DGKI: variants seen among roughly 807,000 people sequenced by gnomAD.
DGKI encodes DAG kinase iota.
In DGKI, 55 loss-of-function variants were observed where a neutral mutation model predicts 147.5. That is an observed-to-expected ratio of 0.37 (90% CI 0.30 to 0.47). DGKI has a LOEUF of 0.47. Ranked by LOEUF, DGKI falls within the 20% of genes least tolerant of loss-of-function variation. The pLI, the probability that DGKI is intolerant of heterozygous loss-of-function variation, is 1.00. For missense variants in DGKI, 1,007 were observed against 1,323.8 expected (o/e 0.76, Z 3.71); for synonymous variants, 469 against 477.1 (o/e 0.98, Z 0.22).
At chr7:137,614,243 G>A (rs762169520) in intron 8 of DGKI, among the ~76,000 whole-genome samples, 18 of 152,066 alleles carry the variant, frequency 1.2e-4, no homozygotes, top group Non-Finnish European at 2.2e-4. Flanking sequence ...TCATGAGAAA[G>A]TTACAAAAAA....
At chr7:137,747,913 A>T (rs761163312) in intron 1 of DGKI, among the ~76,000 whole-genome samples, 1 of 152,364 alleles carries the variant, frequency 6.6e-6, no homozygotes, top group East Asian at 1.9e-4. Flanking sequence ...AGGACTTGTT[A>T]TGGCAACACA....
At chr7:137,828,993 T>G (rs2117062040) in intron 1 of DGKI, among the ~76,000 whole-genome samples, 1 of 152,256 alleles carries the variant, frequency 6.6e-6, no homozygotes, top group South Asian at 2.1e-4. Flanking sequence ...TTACCCAAAT[T>G]TTAGGAATTA....
At chr7:137,698,804 T>C (rs1020984132) in intron 1 of DGKI, among the ~76,000 whole-genome samples, 3 of 152,124 alleles carry the variant, frequency 2.0e-5, no homozygotes, top group African/African-American at 2.4e-5. Context: ...GAATCAGTGA[T>C]AAAACCAAGA....
chr7:137,792,298 C>T (rs1207127390), intron 1 of DGKI, among the ~76,000 whole-genome samples: 1 of 152,182 alleles, frequency 6.6e-6, no homozygotes, highest in African/African-American at 2.4e-5. Flanking sequence ...TCCCCCAATC[C>T]TCCATTGGGG....
At chr7:137,408,378 G>A (rs1286393983) in intron 29 of DGKI, among the ~76,000 whole-genome samples, 1 of 152,168 alleles carries the variant, frequency 6.6e-6, no homozygotes. Flanking sequence ...AGTAATTATG[G>A]CTATAAGCAG....
At chr7:137,451,249 A>C (rs888708834) in intron 27 of DGKI, among the ~76,000 whole-genome samples, 1 of 152,204 alleles carries the variant, frequency 6.6e-6, no homozygotes. Context: ...TGGCAGTCTG[A>C]ATATATGAAA....
chr7:137,573,794 C>T (rs770515820), intron 17 of DGKI, among the ~76,000 whole-genome samples: 1 of 152,194 alleles, frequency 6.6e-6, no homozygotes, highest in African/African-American at 2.4e-5. Context: ...CTCAACAACC[C>T]TCGAACATGG....
chr7:137,463,528 T>A lies in DGKI; in HGVS notation c.2696A>T (p.Asp899Val). ...GLGMIAPYYE[D>V]SDLKDLSHSR... ...GTGGCTGAGATCTTTCAGATCTGAG[T>A]CCTCATAATAGGGAGCTATCATCCC... The change falls in exon 27 of 33, where the codon GAC becomes GTC. Residue 899 changes from aspartate to valine, a missense_variant. Physicochemically the swap from Asp to Val is radical, Grantham distance 152 (BLOSUM62 -3). Transcript: ENST00000614521. 6.2e-7 allele frequency: 1 copy of A among 1,614,094 alleles called. No homozygotes were observed.
chr7:137,523,271 G>C (rs1411569172), intron 20 of DGKI, among the ~76,000 whole-genome samples: 1 of 151,852 alleles, frequency 6.6e-6, no homozygotes, highest in African/African-American at 2.4e-5. Flanking sequence ...CTGGAAGAGG[G>C]AGTAAAAAAA....
chr7:137,565,960 C>A (rs1818569811), intron 19 of DGKI, among the ~76,000 whole-genome samples: 2 of 151,998 alleles, frequency 1.3e-5, no homozygotes, highest in Non-Finnish European at 2.9e-5. Context: ...TTTTCTCATT[C>A]CAGTAATTCT....
intron 3 of DGKI, among the ~76,000 whole-genome samples, chr7:137,671,671 T>C (rs914555232): frequency 5.9e-5 from 9 of 152,208 alleles, no homozygotes; most frequent in Admixed American, 6.5e-5. Context: ...ATCTAGATCT[T>C]TTTGTCTCTG....
At chr7:137,448,779 A>G (rs1813833363) in intron 27 of DGKI, among the ~76,000 whole-genome samples, 1 of 152,000 alleles carries the variant, frequency 6.6e-6, no homozygotes, top group African/African-American at 2.4e-5. Flanking sequence ...AGCATTTGTG[A>G]AATGTAAACT....
At chr7:137,491,179 C>T (rs1243780807) in intron 21 of DGKI, among the ~76,000 whole-genome samples, 1 of 152,096 alleles carries the variant, frequency 6.6e-6, no homozygotes, top group Non-Finnish European at 1.5e-5. Context: ...GTACCGGGTG[C>T]CTCAGGAGCT....
Position 137,406,500 on chromosome 7 carries a change from T to C in DGKI, c.2920+1375A>G, listed in dbSNP as rs538351288. ...CTCCTGTTTTCATGGTCTTTCCTTT[T>C]TCTAACCCACCCTTTCTACCGTATT... On this transcript the variant is annotated intron_variant, in intron 30 of 32. Coordinates refer to ENST00000614521, the MANE Select transcript of DGKI (RefSeq NM_001321708.2). 1.1e-4 allele frequency among the ~76,000 whole-genome samples: 16 copies of C among 152,254 alleles called. No homozygotes were observed. The East Asian group carries it at 2.9e-3, about 28-fold the overall frequency.
chr7:137,584,233 G>T (rs936866241), intron 14 of DGKI, among the ~76,000 whole-genome samples: 2 of 152,122 alleles, frequency 1.3e-5, no homozygotes, highest in South Asian at 2.1e-4. Context: ...AGAATCTCTG[G>T]TGACTGGGCC....
At chr7:137,578,914 A>T (rs560174965) in intron 15 of DGKI, among the ~76,000 whole-genome samples, 13 of 152,332 alleles carry the variant, frequency 8.5e-5, no homozygotes, top group African/African-American at 2.9e-4. Context: ...ATGCCAGTTT[A>T]ATTATTCCTT....
At chr7:137,827,879 T>C (rs751744671) in intron 1 of DGKI, among the ~76,000 whole-genome samples, 12 of 152,240 alleles carry the variant, frequency 7.9e-5, no homozygotes, top group Admixed American at 2.0e-4. Flanking sequence ...TTTAGAACCC[T>C]GAGTATGTTT....
rs894636889 is a variant in DGKI at position 137,546,064 on chromosome 7, CAG to C, written c.2147+6303_2147+6304del. On this transcript the variant is annotated intron_variant, in intron 20 of 32. Transcript: ENST00000614521. ...GAAAGAGAGACACACAAAATTTAAA[CAG>C]AAATTAAATGAGCGCATCACCGAAC... The C allele has an allele frequency of 9.4e-5, 57 of 605,542 alleles. No homozygotes were observed. The African/African-American group carries it at 9.9e-4, about 10-fold the overall frequency. The allele number at this position is 605,542 out of a possible 1,614,324, so 37.5% of individuals were successfully genotyped here.
At chr7:137,568,626 G>A (rs1163668772) in intron 19 of DGKI, among the ~76,000 whole-genome samples, 2 of 152,202 alleles carry the variant, frequency 1.3e-5, no homozygotes, top group Non-Finnish European at 2.9e-5. Context: ...TCTGCCAGGT[G>A]AGCACAGGTT....
Sources: gnomAD v4.1 joint callset for allele counts (sites outside exome capture counted in the v4.1 genomes callset) on GRCh38, gnomAD v4.1.1 for gene constraint, MANE v1.5 for transcripts, NCBI Gene and HGNC (gene_info 2026-07-23, HGNC 2026-07-21) for gene names.